The following ZNRF1 variants were observed in gnomAD, a reference collection of about 807,000 sequenced individuals.
ZNRF1 encodes zinc and ring finger 1.
A neutral mutation model predicts 18.4 loss-of-function variants in ZNRF1; 3 were observed. The observed-to-expected ratio is 0.16, with a 90% CI of 0.07 to 0.42. ZNRF1 has a LOEUF of 0.42. ZNRF1 is among the 10% of genes least tolerant of loss of function. The pLI is 0.99. For missense variants in ZNRF1, 310 were observed against 329.8 expected (o/e 0.94, Z 0.47); for synonymous variants, 157 against 144.2 (o/e 1.09, Z -0.64).
At chr16:75,036,443 T>G (rs1391346418) in intron 1 of ZNRF1, among the ~76,000 whole-genome samples, 2 of 152,220 alleles carry the variant, frequency 1.3e-5, no homozygotes, top group Admixed American at 6.5e-5. Flanking sequence ...ATGTTGCTTT[T>G]TAATCCAGAC....
chr16:75,045,157 G>A (rs1023459957), intron 1 of ZNRF1, among the ~76,000 whole-genome samples: 6 of 152,170 alleles, frequency 3.9e-5, no homozygotes, highest in Middle Eastern at 3.2e-3. Flanking sequence ...TGATGTGAGA[G>A]TTTTATTTGT....
intron 1 of ZNRF1, among the ~76,000 whole-genome samples, chr16:75,068,381 G>A (rs1413070712): frequency 2.6e-5 from 4 of 151,876 alleles, no homozygotes; most frequent in Non-Finnish European, 2.9e-5. Context: ...TCATGAACCA[G>A]TTAACCCTGG....
intron 1 of ZNRF1, among the ~76,000 whole-genome samples, chr16:75,051,056 C>G (rs957677726): frequency 1.5e-5 from 2 of 133,944 alleles, no homozygotes; most frequent in East Asian, 2.2e-4. Context: ...AAAACAAAAC[C>G]TGGGTGTCGT....
At chr16:75,070,664 C>T (rs924373536) in intron 1 of ZNRF1, among the ~76,000 whole-genome samples, 13 of 152,172 alleles carry the variant, frequency 8.5e-5, no homozygotes, top group African/African-American at 2.7e-4. Flanking sequence ...CCCCCAACCC[C>T]GCCCACCATA....
chr16:75,094,021 G>C (rs913033127), intron 2 of ZNRF1, among the ~76,000 whole-genome samples: 2 of 152,234 alleles, frequency 1.3e-5, no homozygotes, highest in Non-Finnish European at 2.9e-5. Flanking sequence ...AAGACAGCCA[G>C]GTGTCCTCCA....
At chr16:75,065,830 A>T (rs1413067829) in intron 1 of ZNRF1, among the ~76,000 whole-genome samples, 2 of 152,256 alleles carry the variant, frequency 1.3e-5, no homozygotes, top group Non-Finnish European at 2.9e-5. Flanking sequence ...CCTCCTGTGG[A>T]CACTCCACCA....
intron 1 of ZNRF1, 103 bp downstream of exon 1, chr16:75,000,198 C>T (rs764842063): frequency 1.9e-5 from 27 of 1,455,814 alleles, no homozygotes; most frequent in Non-Finnish European, 2.5e-5. Context: ...CGACCGGGAT[C>T]TGTCTGCATT....
At chr16:75,074,650 A>T (rs546879349) in intron 1 of ZNRF1, among the ~76,000 whole-genome samples, 1 of 152,192 alleles carries the variant, frequency 6.6e-6, no homozygotes, top group Non-Finnish European at 1.5e-5. Context: ...AAACCAAGAC[A>T]TGGACACCTC....
intron 3 of ZNRF1, 88 bp downstream of exon 3, chr16:75,104,977 T>C (rs2036297394): frequency 4.5e-6 from 5 of 1,105,458 alleles, no homozygotes; most frequent in Non-Finnish European, 6.6e-6. Context: ...CCTTTGGTTA[T>C]GGGATGACCT....
chr16:75,018,923 T>C (rs1267124622), intron 1 of ZNRF1, among the ~76,000 whole-genome samples: 1 of 152,142 alleles, frequency 6.6e-6, no homozygotes, highest in African/African-American at 2.4e-5. Context: ...CCCAGCACTT[T>C]GGGAGGCTGA....
intron 1 of ZNRF1, among the ~76,000 whole-genome samples, chr16:75,030,665 C>G (rs1383576726): frequency 6.6e-6 from 1 of 152,042 alleles, no homozygotes; most frequent in East Asian, 1.9e-4. Context: ...CCATTTTCCC[C>G]TACCCAAGAC....
intron 1 of ZNRF1, among the ~76,000 whole-genome samples, chr16:75,054,994 G>C (rs1462527458): frequency 6.6e-6 from 1 of 152,178 alleles, no homozygotes; most frequent in African/African-American, 2.4e-5. Flanking sequence ...TAATGAAACT[G>C]TTACTGTGAT....
intron 1 of ZNRF1, among the ~76,000 whole-genome samples, chr16:75,086,093 C>G (rs77263089): frequency 0.016 from 2,438 of 152,150 alleles, 52 homozygotes; most frequent in African/African-American, 0.055. Context: ...TGATTCTATT[C>G]AGGTCCTCAG....
intron 1 of ZNRF1, among the ~76,000 whole-genome samples, chr16:75,066,911 A>G (rs866024257): frequency 7.9e-5 from 12 of 152,162 alleles, no homozygotes; most frequent in Middle Eastern, 6.8e-3. Context: ...TAATAGCTTA[A>G]AACAGTAATA....
At chr16:75,006,653 C>T (rs920456089) in intron 1 of ZNRF1, among the ~76,000 whole-genome samples, 4 of 152,168 alleles carry the variant, frequency 2.6e-5, no homozygotes, top group African/African-American at 9.7e-5. Flanking sequence ...CCAGGCTGGT[C>T]TCGAACTCCT....
At chr16:75,074,180 C>T (rs970188618) in intron 1 of ZNRF1, among the ~76,000 whole-genome samples, 7 of 152,254 alleles carry the variant, frequency 4.6e-5, no homozygotes, top group African/African-American at 7.2e-5. Context: ...TGTCCGTGAC[C>T]GTTGCTAGAC....
intron 2 of ZNRF1, among the ~76,000 whole-genome samples, chr16:75,095,355 G>C (rs1434089951): frequency 2.0e-5 from 3 of 152,048 alleles, no homozygotes; most frequent in Non-Finnish European, 4.4e-5. Context: ...TGTGCTGCAG[G>C]CTTCGCGTCA....
chr16:75,024,130 A>G (rs2035190992), intron 1 of ZNRF1, among the ~76,000 whole-genome samples: 1 of 152,096 alleles, frequency 6.6e-6, no homozygotes, highest in African/African-American at 2.4e-5. Flanking sequence ...TTGGCCTCCC[A>G]AAGTGCTGAG....
At chr16:75,026,308 G>T (rs931176760) in intron 1 of ZNRF1, among the ~76,000 whole-genome samples, 9 of 151,966 alleles carry the variant, frequency 5.9e-5, no homozygotes, top group African/African-American at 2.2e-4. Context: ...AACTGTGTGG[G>T]CAAGAGTAAA....
Sources: gnomAD v4.1 joint callset for allele counts (sites outside exome capture counted in the v4.1 genomes callset) on GRCh38, gnomAD v4.1.1 for gene constraint, MANE v1.5 for transcripts, NCBI Gene and HGNC (gene_info 2026-07-23, HGNC 2026-07-21) for gene names.